Variants in CLPTM1L observed in about 807,000 individuals in gnomAD.
CLPTM1L encodes CLPTM1 like, also known as lipid scramblase CLPTM1L.
Under a neutral mutation model 70.9 loss-of-function variants are expected in CLPTM1L, and 38 were observed. The observed-to-expected ratio is 0.54, with a 90% CI of 0.41 to 0.70. CLPTM1L has a LOEUF of 0.70. CLPTM1L is among the 30% of genes least tolerant of loss of function. CLPTM1L has a pLI of 0.00. For synonymous variants in CLPTM1L, 339 were observed against 299.9 expected, an observed-to-expected ratio of 1.13 and a Z score of -1.35; for missense variants, 652 against 705.9, an observed-to-expected ratio of 0.92 and a Z score of 0.87.
At chr5:1,330,461 C>T (rs1271712597) in intron 8 of CLPTM1L, 78 bp from the exon 9 acceptor site, 23 of 1,178,530 alleles carry the variant, frequency 2.0e-5, no homozygotes, top group Non-Finnish European at 2.6e-5. Flanking sequence ...CACATACCCC[C>T]AGTCCCCCAT....
intron 7 of CLPTM1L, among the ~76,000 whole-genome samples, chr5:1,332,838 G>A (rs1011523628): frequency 2.0e-5 from 3 of 152,160 alleles, no homozygotes; most frequent in African/African-American, 4.8e-5. Context: ...CATTCATTAC[G>A]TTATTTGATA....
intron 7 of CLPTM1L, chr5:1,332,245 TA>T (rs1753143803): frequency 4.3e-6 from 1 of 230,362 alleles, no homozygotes; most frequent in African/African-American, 2.2e-5. Flanking sequence ...TCAACTGTGC[TA>T]AAAACGCAAG....
At chr5:1,329,051 C>T (rs976925696) in intron 9 of CLPTM1L, among the ~76,000 whole-genome samples, 2 of 152,182 alleles carry the variant, frequency 1.3e-5, no homozygotes, top group Non-Finnish European at 2.9e-5. Context: ...CCCCCACCCA[C>T]AGGTGGGCCA....
intron 5 of CLPTM1L, among the ~76,000 whole-genome samples, chr5:1,335,757 G>T (rs1753536647): frequency 2.0e-5 from 3 of 152,212 alleles, no homozygotes; most frequent in Admixed American, 6.5e-5. Context: ...GCCTGCCGGG[G>T]CCTCACGCAC....
At chr5:1,341,576 T>C in intron 3 of CLPTM1L, 95 bp downstream of exon 3, 2 of 1,093,964 alleles carry the variant, frequency 1.8e-6, no homozygotes, top group Non-Finnish European at 2.6e-6. Flanking sequence ...ACAAAGTCAC[T>C]GGAGCCCTAG....
intron 12 of CLPTM1L, 131 bp from the exon 13 acceptor site, chr5:1,323,042 C>G: frequency 6.8e-6 from 6 of 888,412 alleles, no homozygotes; most frequent in Non-Finnish European, 1.1e-5. Context: ...GCTCGGCAGC[C>G]AAGAGCAGCA....
chr5:1,341,889 T>C (rs771507879), intron 2 of CLPTM1L, 29 bp from the exon 3 acceptor site: 12 of 1,556,136 alleles, frequency 7.7e-6, no homozygotes, highest in African/African-American at 5.4e-5. Context: ...TTCCACTACA[T>C]ACATATTATA....
At chr5:1,326,895 C>G (rs1039971956) in intron 9 of CLPTM1L, among the ~76,000 whole-genome samples, 2 of 150,636 alleles carry the variant, frequency 1.3e-5, no homozygotes, top group Non-Finnish European at 1.5e-5. Context: ...TCCAGCTCCT[C>G]CTCTACGGAC....
intron 9 of CLPTM1L, 107 bp from the exon 10 acceptor site, chr5:1,325,923 C>A (rs1752505361): frequency 4.5e-6 from 4 of 893,522 alleles, no homozygotes; most frequent in Non-Finnish European, 5.5e-6. Context: ...TGGCCCCGCG[C>A]AGCCCACTGT....
At position 1,335,388 on chromosome 5, in the gene CLPTM1L, C is replaced by G. The variant is rs368537107; in HGVS notation, c.679-214G>C. On this transcript the variant is annotated intron_variant, in intron 5 of 16. Coordinates refer to ENST00000320895, the MANE Select transcript of CLPTM1L (RefSeq NM_030782.5). ...TTCCAGCACAGGGAGGTTCCCACCCCCACCAGGACCCCGTGAGCTCAGCAG... is the reference window on the plus strand; with the variant it reads ...TTCCAGCACAGGGAGGTTCCCACCCGCACCAGGACCCCGTGAGCTCAGCAG... Among the ~76,000 whole-genome samples the G allele has an allele frequency of 2.6e-5, 4 of 152,374 alleles. No individual in the cohort carries two copies. The East Asian group carries it at 7.7e-4, about 29-fold the overall frequency.
In CLPTM1L at chr5:1,339,000, G is replaced by A. The variant is rs199834712; in HGVS notation, c.459C>T (p.Ile153=). 3.1e-5 allele frequency: 50 copies of A among 1,612,800 alleles called. No homozygotes were observed. The highest frequency in any genetic ancestry group is 6.7e-5 in the Admixed American group (4 of 59,974). ...CACTCGTCGGCTTCTTCTCCGCCTCGATCTGCTGTTAAGTGAGGAAAACAG... is the reference window on the plus strand; with the variant it reads ...CACTCGTCGGCTTCTTCTCCGCCTCAATCTGCTGTTAAGTGAGGAAAACAG... The part of the protein sequence containing the change: ...LLTGESDTQQ[I]EAEKKPTSAL... Residue 153 remains isoleucine, a synonymous_variant, in exon 4 of 17, where the codon ATC becomes ATT. Coordinates refer to ENST00000320895, the MANE Select transcript of CLPTM1L (RefSeq NM_030782.5).
chr5:1,330,361 G>T lies in CLPTM1L; in HGVS notation c.999C>A (p.Thr333=). The change falls in exon 9 of 17, where the codon ACC becomes ACA. Residue 333 remains threonine (T), a synonymous_variant. Transcript: ENST00000320895. The part of the protein sequence containing the change: ...TKAVLWRCFS[T]VVIFLFLLDE... ...CCAGCAGGAACAGAAAGATGACCAC[G>T]GTGCTGAAGCAGCGCCAGAGCACTG... 6.2e-7 allele frequency: 1 copy of T among 1,612,824 alleles called. No individual in the cohort carries two copies. The highest frequency in any genetic ancestry group is 1.3e-5 in the African/African-American group (1 of 75,022).
At chr5:1,335,481 C>G (rs1000839853) in intron 5 of CLPTM1L, among the ~76,000 whole-genome samples, 1 of 152,244 alleles carries the variant, frequency 6.6e-6, no homozygotes, top group African/African-American at 2.4e-5. Context: ...AGTCCTGGTG[C>G]CCCGGAGGTG....
chr5:1,339,564 G>A (rs1399174844), intron 3 of CLPTM1L, among the ~76,000 whole-genome samples: 1 of 124,962 alleles, frequency 8.0e-6, no homozygotes, highest in East Asian at 2.5e-4. Flanking sequence ...TGGAAAAACC[G>A]CGCCCGGACA....
intron 9 of CLPTM1L, 197 bp from the exon 10 acceptor site, chr5:1,326,013 A>G (rs1042361503): frequency 3.5e-6 from 2 of 574,498 alleles, no homozygotes; most frequent in Non-Finnish European, 3.1e-6. Context: ...CGGCAGGCGT[A>G]CCTGGTCAGG....
intron 8 of CLPTM1L, chr5:1,331,567 A>G (rs1753092001): frequency 2.5e-6 from 1 of 401,380 alleles, no homozygotes; most frequent in Non-Finnish European, 4.2e-6. Context: ...CCAGGCCCTG[A>G]GCTGTGCAGC....
intron 4 of CLPTM1L, 92 bp from the exon 5 acceptor site, chr5:1,338,074 A>G: frequency 9.6e-7 from 1 of 1,039,476 alleles, no homozygotes. Context: ...ACCCCAGAGA[A>G]GTGCCCCCAG....
chr5:1,330,448 A>C, intron 8 of CLPTM1L, 65 bp from the exon 9 acceptor site: 2 of 1,341,576 alleles, frequency 1.5e-6, no homozygotes, highest in Non-Finnish European at 2.1e-6. Context: ...TCCCCAAGTC[A>C]CACACATACC....
At position 1,331,781 on chromosome 5, in the gene CLPTM1L, C is replaced by G. The variant is rs1429953602; in HGVS notation, c.976+18G>C. On this transcript the variant is annotated intron_variant, in intron 8 of 16. Coordinates refer to ENST00000320895, the MANE Select transcript of CLPTM1L (RefSeq NM_030782.5). ...CTGGGGCAGAGTATCTGAGCAGGGC[C>G]ACGCTCGGGGGGCCTACCTGCCTTG... 1 of 1,611,022 alleles carries G rather than the reference C, an allele frequency of 6.2e-7. No individual in the cohort carries two copies. Among genetic ancestry groups the G allele is most frequent in the Admixed American group, 1.7e-5 (1 of 60,020 alleles).
Sources: allele counts gnomAD v4.1 joint callset (sites outside exome capture counted in the v4.1 genomes callset), GRCh38; gene constraint gnomAD v4.1.1; transcripts MANE v1.5; gene names NCBI Gene and HGNC (gene_info 2026-07-23, HGNC 2026-07-21).